FGD3: variants seen among roughly 807,000 people sequenced by gnomAD.
The protein encoded by FGD3 is FYVE, RhoGEF and PH domain-containing protein 3.
Under a neutral mutation model 71.8 loss-of-function variants are expected in FGD3, and 45 were observed. That is an observed-to-expected ratio of 0.63 (90% CI 0.49 to 0.80). The LOEUF (loss-of-function observed/expected upper bound fraction) is 0.80. Ranked by LOEUF, FGD3 falls within the 30% of genes least tolerant of loss-of-function variation. The pLI, the probability that FGD3 is intolerant of heterozygous loss-of-function variation, is 0.00. For missense variants in FGD3, 844 were observed against 951.5 expected (o/e 0.89, Z 1.49); for synonymous variants, 378 against 392.8 (o/e 0.96, Z 0.44).
At chr9:93,005,948 G>A in intron 5 of FGD3, 76 bp from the exon 6 acceptor site, 1 of 1,496,238 alleles carries the variant, frequency 6.7e-7, no homozygotes, top group Non-Finnish European at 9.0e-7. Context: ...CACCCCCCTG[G>A]TGGAGTTCAT....
chr9:93,006,670 A>G (rs1861067314), intron 6 of FGD3, among the ~76,000 whole-genome samples: 1 of 151,994 alleles, frequency 6.6e-6, no homozygotes, highest in Admixed American at 6.6e-5. Context: ...AAGAACATCA[A>G]CTTCTTTCTG....
At chr9:93,020,544 G>T in intron 13 of FGD3, 120 bp downstream of exon 13, 1 of 755,076 alleles carries the variant, frequency 1.3e-6, no homozygotes. Flanking sequence ...GCTACACCAG[G>T]GACCAGGACA....
intron 12 of FGD3, 43 bp from the exon 13 acceptor site, chr9:93,020,274 C>T: frequency 6.4e-7 from 1 of 1,558,236 alleles, no homozygotes; most frequent in South Asian, 1.2e-5. Flanking sequence ...TAGCATCCTC[C>T]CATGCCCCTT....
At chr9:92,984,802 CT>C (rs955321149) in intron 3 of FGD3, among the ~76,000 whole-genome samples, 2 of 147,794 alleles carry the variant, frequency 1.4e-5, no homozygotes, top group African/African-American at 2.5e-5. Flanking sequence ...GGGTGTGAAT[CT>C]TTTTTTTCTT....
At chr9:92,992,568 C>T (rs1326928489) in intron 3 of FGD3, among the ~76,000 whole-genome samples, 3 of 152,188 alleles carry the variant, frequency 2.0e-5, no homozygotes, top group Non-Finnish European at 4.4e-5. Flanking sequence ...GGGTTGGTTT[C>T]CCTGCTGTGC....
At chr9:93,022,066 G>A (rs543131589) in intron 13 of FGD3, among the ~76,000 whole-genome samples, 1 of 152,284 alleles carries the variant, frequency 6.6e-6, no homozygotes, top group East Asian at 1.9e-4. Flanking sequence ...CCTGAATAGG[G>A]CGGGCCAGAG....
chr9:93,034,379 T>C, intron 16 of FGD3, 162 bp from the exon 17 acceptor site: 2 of 943,014 alleles, frequency 2.1e-6, no homozygotes. Flanking sequence ...TAGTGACCCT[T>C]GCAAGCCGGG....
intron 3 of FGD3, among the ~76,000 whole-genome samples, chr9:92,992,390 CTT>C (rs1860447716): frequency 6.6e-6 from 1 of 152,164 alleles, no homozygotes. Flanking sequence ...ATAAGACTGT[CTT>C]GAGCATTTCT....
intron 11 of FGD3, 148 bp downstream of exon 11, chr9:93,018,363 C>A (rs551072753): frequency 5.7e-6 from 4 of 703,508 alleles, no homozygotes; most frequent in Non-Finnish European, 9.3e-6. Flanking sequence ...CTATGTCCTG[C>A]GCTTGCTGCA....
intron 1 of FGD3, among the ~76,000 whole-genome samples, chr9:92,966,461 A>G (rs1859330205): frequency 1.3e-5 from 2 of 152,230 alleles, no homozygotes; most frequent in Non-Finnish European, 2.9e-5. Flanking sequence ...AAAAGCAAGT[A>G]TTGAACCCCT....
At chr9:93,028,129 AG>A (rs1862193292) in intron 14 of FGD3, among the ~76,000 whole-genome samples, 1 of 151,734 alleles carries the variant, frequency 6.6e-6, no homozygotes, top group Non-Finnish European at 1.5e-5. Context: ...AACCGCAATG[AG>A]TATCCCTCCC....
At chr9:92,997,942 G>A (rs1860710496) in intron 3 of FGD3, among the ~76,000 whole-genome samples, 1 of 152,154 alleles carries the variant, frequency 6.6e-6, no homozygotes, top group Admixed American at 6.5e-5. Context: ...TGACAATTAT[G>A]TGTCTTGGAG....
intron 3 of FGD3, among the ~76,000 whole-genome samples, chr9:93,000,333 A>G (rs1860814338): frequency 1.3e-5 from 2 of 152,308 alleles, no homozygotes; most frequent in South Asian, 4.1e-4. Flanking sequence ...CAAAAGGATA[A>G]TAGTACAAAT....
In FGD3 at chr9:93,015,859, C is replaced by A. The variant is rs777405933; in HGVS notation, c.1275+30C>A. ...GTGAGCTCCTCCATCTCAAACCTGT[C>A]CCCCTGGAAGGGGCACTGAGCAGGA... On this transcript the variant is annotated intron_variant, in intron 10 of 17. Coordinates refer to ENST00000375482, the MANE Select transcript of FGD3 (RefSeq NM_001083536.2). 13 of 1,600,946 alleles carry A rather than the reference C, an allele frequency of 8.1e-6. No homozygotes were observed. In the African/African-American group the frequency reaches 1.2e-4, roughly 15 times the overall value.
rs549650141 is a variant in FGD3 at position 92,993,789 on chromosome 9, A to G, written c.454-9136A>G. Among the ~76,000 whole-genome samples, 443 of 152,360 alleles carry G rather than the reference A, an allele frequency of 2.9e-3. 7 individuals carry two copies. Among genetic ancestry groups the G allele is most frequent in the African/African-American group, 0.01 (418 of 41,588 alleles). On this transcript the variant is annotated intron_variant, in intron 3 of 17. Transcript: ENST00000375482. The stretch of plus-strand genomic sequence containing the variant: ...CTTCATCCATGTCCCTACAAAGGAC[A>G]TGAACTCATCATTTTTTATGGCTGC...
At chr9:93,001,100 A>G (rs1860840883) in intron 3 of FGD3, among the ~76,000 whole-genome samples, 1 of 152,150 alleles carries the variant, frequency 6.6e-6, no homozygotes. Flanking sequence ...GTTCAATTAA[A>G]GTGTATTTCA....
At chr9:93,017,284 A>T (rs1861739278) in intron 10 of FGD3, among the ~76,000 whole-genome samples, 1 of 152,190 alleles carries the variant, frequency 6.6e-6, no homozygotes, top group African/African-American at 2.4e-5. Flanking sequence ...AAATAATTTT[A>T]AAAATAATAA....
rs190522412 is a variant in FGD3 at position 92,958,676 on chromosome 9, T to C, written c.-218+10947T>C. On this transcript the variant is annotated intron_variant, in intron 1 of 17. Coordinates refer to ENST00000375482, the MANE Select transcript of FGD3 (RefSeq NM_001083536.2). ...ATGAATATTTTCACCTATGTGTTTTTAGAAGCTTTACAGTTTTAGCATTCA... is the reference window on the plus strand; with the variant it reads ...ATGAATATTTTCACCTATGTGTTTTCAGAAGCTTTACAGTTTTAGCATTCA... Among the ~76,000 whole-genome samples the C allele has an allele frequency of 1.2e-3, 187 of 152,368 alleles. 1 individual carries two copies. Among genetic ancestry groups the C allele is most frequent in the African/African-American group, 4.4e-3 (183 of 41,594 alleles).
intron 1 of FGD3, among the ~76,000 whole-genome samples, chr9:92,965,259 T>A: frequency 6.6e-6 from 1 of 152,220 alleles, no homozygotes; most frequent in Admixed American, 6.5e-5. Flanking sequence ...CTGGACGTGC[T>A]TAGCAGGTGC....
Sources: allele counts gnomAD v4.1 joint callset (sites outside exome capture counted in the v4.1 genomes callset), GRCh38; gene constraint gnomAD v4.1.1; transcripts MANE v1.5; gene names NCBI Gene and HGNC (gene_info 2026-07-23, HGNC 2026-07-21).